Variants in FMN2 observed in about 807,000 individuals in gnomAD.
FMN2 encodes formin 2, also known as formin-2.
A neutral mutation model predicts 142.3 loss-of-function variants in FMN2; 51 were observed. The observed-to-expected ratio is 0.36, with a 90% CI of 0.29 to 0.45. The LOEUF is 0.45. FMN2 is among the 20% of genes least tolerant of loss of function. FMN2 has a pLI of 1.00. For missense variants in FMN2, 1,936 were observed against 2,122.8 expected, an observed-to-expected ratio of 0.91 and a Z score of 1.73; for synonymous variants, 882 against 869.8, an observed-to-expected ratio of 1.01 and a Z score of -0.25.
intron 1 of FMN2, among the ~76,000 whole-genome samples, chr1:240,114,951 C>T (rs1265369654): frequency 2.6e-5 from 4 of 152,112 alleles, no homozygotes; most frequent in Admixed American, 6.5e-5. Flanking sequence ...CCACCGCGCC[C>T]GGCCAATTCT....
At chr1:240,121,502 A>G (rs1662247155) in intron 1 of FMN2, among the ~76,000 whole-genome samples, 1 of 151,338 alleles carries the variant, frequency 6.6e-6, no homozygotes, top group South Asian at 2.1e-4. Flanking sequence ...CAGCCTCCCA[A>G]GTAGCTGGGA....
chr1:240,352,641 G>A (rs1416751993), intron 13 of FMN2, among the ~76,000 whole-genome samples: 1 of 152,060 alleles, frequency 6.6e-6, no homozygotes, highest in Non-Finnish European at 1.5e-5. Context: ...GTCACCTGAC[G>A]TTGCTAGAAA....
At chr1:240,121,523 T>C (rs1330915716) in intron 1 of FMN2, among the ~76,000 whole-genome samples, 3 of 151,234 alleles carry the variant, frequency 2.0e-5, no homozygotes, top group East Asian at 2.0e-4. Flanking sequence ...CTACAGGCGC[T>C]GGCCACCAAG....
chr1:240,096,388 A>G (rs1194616503), intron 1 of FMN2, among the ~76,000 whole-genome samples: 3 of 152,212 alleles, frequency 2.0e-5, no homozygotes, highest in Non-Finnish European at 4.4e-5. Flanking sequence ...AGAGTGAACC[A>G]GATTTTCTCT....
intron 4 of FMN2, among the ~76,000 whole-genome samples, chr1:240,198,406 C>T (rs1385773466): frequency 1.3e-5 from 2 of 152,190 alleles, no homozygotes; most frequent in Non-Finnish European, 2.9e-5. Flanking sequence ...TGATTTCTAA[C>T]GTACGCCTCT....
intron 2 of FMN2, among the ~76,000 whole-genome samples, chr1:240,134,445 G>A (rs1662857376): frequency 1.3e-5 from 2 of 151,830 alleles, no homozygotes; most frequent in South Asian, 4.2e-4. Flanking sequence ...GCCATATAGG[G>A]AGACTCTGTC....
chr1:240,180,201 G>C, intron 3 of FMN2: 9 of 1,275,526 alleles, frequency 7.1e-6, no homozygotes, highest in Non-Finnish European at 9.3e-6. Context: ...ATTTAACTTA[G>C]TGACTTATTT....
chr1:240,142,475 A>ATTTATTTATTTATTTATT (rs1663224815), intron 2 of FMN2, among the ~76,000 whole-genome samples: 90 of 146,242 alleles, frequency 6.2e-4, no homozygotes, highest in African/African-American at 1.6e-3. Flanking sequence ...AAACCTTTTC[A>ATTTATTTATTTATTTATT]TATTTATTTA....
chr1:240,209,367 C>G (rs1025892593), intron 5 of FMN2, among the ~76,000 whole-genome samples: 6 of 151,646 alleles, frequency 4.0e-5, no homozygotes, highest in African/African-American at 1.5e-4. Flanking sequence ...TCTCCTGCCT[C>G]AGCCTCCCGA....
chr1:240,467,850 CAA>C (rs1676672090), intron 16 of FMN2, among the ~76,000 whole-genome samples: 1 of 152,174 alleles, frequency 6.6e-6, no homozygotes. Context: ...AAATAAACAT[CAA>C]GTTTTATAGC....
chr1:240,286,371 A>G (rs1050489772), intron 7 of FMN2, among the ~76,000 whole-genome samples: 1 of 152,166 alleles, frequency 6.6e-6, no homozygotes, highest in Non-Finnish European at 1.5e-5. Flanking sequence ...GTTGGGAAGG[A>G]CTTTTTCAGA....
intron 1 of FMN2, among the ~76,000 whole-genome samples, chr1:240,096,996 A>G (rs1661221249): frequency 6.6e-6 from 1 of 152,188 alleles, no homozygotes; most frequent in Admixed American, 6.5e-5. Context: ...GAAATTCGGG[A>G]GGTTCCTTTA....
chr1:240,416,620 A>T (rs568796868), intron 15 of FMN2, among the ~76,000 whole-genome samples: 1 of 151,830 alleles, frequency 6.6e-6, no homozygotes, highest in Non-Finnish European at 1.5e-5. Context: ...TTCCATCTGT[A>T]CTTATGTCCC....
At chr1:240,183,715 C>G (rs1191119860) in intron 3 of FMN2, among the ~76,000 whole-genome samples, 1 of 151,778 alleles carries the variant, frequency 6.6e-6, no homozygotes, top group African/African-American at 2.4e-5. Flanking sequence ...TGGAATTGGC[C>G]TCATTTAGGA....
intron 7 of FMN2, among the ~76,000 whole-genome samples, chr1:240,259,047 C>T (rs1356875001): frequency 6.6e-6 from 1 of 152,118 alleles, no homozygotes; most frequent in Non-Finnish European, 1.5e-5. Flanking sequence ...TGATGAGTAA[C>T]TCTTAATCAC....
At chr1:240,474,089 T>C in intron 17 of FMN2, 39 bp from the exon 18 acceptor site, 1 of 1,534,640 alleles carries the variant, frequency 6.5e-7, no homozygotes, top group South Asian at 1.3e-5. Flanking sequence ...TTAAAAGTTC[T>C]TTCTAACTAA....
rs947488469 is a variant in FMN2, at chr1:240,274,448, G to A, written c.4153+16416G>A. On this transcript the variant is annotated intron_variant, in intron 7 of 17. Transcript: ENST00000319653. ...AGAGTGCCTGGAGAGAGCACTCAGC[G>A]GGGAGAGAATTGGAGACGTGATTTG... 2.0e-5 allele frequency among the ~76,000 whole-genome samples: 3 copies of A among 152,064 alleles called. No individual in the cohort carries two copies. In the South Asian group the frequency reaches 6.2e-4, roughly 32 times the overall value.
intron 13 of FMN2, among the ~76,000 whole-genome samples, chr1:240,338,112 G>A (rs1671625150): frequency 6.6e-6 from 1 of 152,200 alleles, no homozygotes; most frequent in African/African-American, 2.4e-5. Flanking sequence ...AACTGGATGA[G>A]AATGTTCTCA....
intron 16 of FMN2, among the ~76,000 whole-genome samples, chr1:240,455,794 A>C (rs1676219616): frequency 6.6e-6 from 1 of 151,832 alleles, no homozygotes; most frequent in Admixed American, 6.6e-5. Flanking sequence ...TGACCAACAA[A>C]GTGAAACCCC....
Sources: gnomAD v4.1 joint callset for allele counts (sites outside exome capture counted in the v4.1 genomes callset) on GRCh38, gnomAD v4.1.1 for gene constraint, MANE v1.5 for transcripts, NCBI Gene and HGNC (gene_info 2026-07-23, HGNC 2026-07-21) for gene names.